LRGUK: variants seen among roughly 807,000 people sequenced by gnomAD.
LRGUK encodes leucine-rich repeat and guanylate kinase domain-containing protein.
LRGUK carries 65 observed loss-of-function variants against 76.0 expected under a neutral mutation model. The observed-to-expected ratio is 0.85, with a 90% CI of 0.70 to 1.05. The LOEUF (loss-of-function observed/expected upper bound fraction) is 1.05. Among genes scored for constraint, LRGUK ranks in the 50% least tolerant of loss-of-function variants. The probability of loss-of-function intolerance (pLI) is 0.00; values close to 1 mark genes in which losing one functional copy is unlikely to be tolerated. For synonymous variants in LRGUK, 268 were observed against 265.6 expected (o/e 1.01, Z -0.09); for missense variants, 758 against 732.8 (o/e 1.03, Z -0.40).
chr7:134,176,835 T>G, intron 8 of LRGUK, 142 bp from the exon 9 acceptor site: 1 of 540,312 alleles, frequency 1.9e-6, no homozygotes, highest in African/African-American at 1.9e-5. Context: ...CTGGGAAGCG[T>G]GAAATGCATA....
intron 16 of LRGUK, among the ~76,000 whole-genome samples, chr7:134,223,334 C>T (rs1329615223): frequency 6.6e-6 from 1 of 152,182 alleles, no homozygotes; most frequent in Non-Finnish European, 1.5e-5. Context: ...CTTTTCAAGC[C>T]ATGCTGTGGT....
At chr7:134,253,681 G>A (rs909329364) in intron 18 of LRGUK, among the ~76,000 whole-genome samples, 5 of 152,122 alleles carry the variant, frequency 3.3e-5, no homozygotes, top group African/African-American at 1.2e-4. Flanking sequence ...CAGATGTGGT[G>A]GTGCACACCT....
chr7:134,148,285 A>C (rs1174521772), exon 5 of LRGUK: 1 of 1,604,788 alleles, frequency 6.2e-7, no homozygotes. Flanking sequence ...GTGATTTGTC[A>C]GCGTATCATG....
chr7:134,239,326 C>T (rs1218041359), intron 16 of LRGUK, among the ~76,000 whole-genome samples: 2 of 152,196 alleles, frequency 1.3e-5, no homozygotes, highest in African/African-American at 4.8e-5. Context: ...CAGATGGTAC[C>T]TGGAAAATTG....
chr7:134,159,517 G>A lies in LRGUK; in HGVS notation c.795+1358G>A, dbSNP rs180887949. ...TTCTTAAAACTCTTCCAGGCTGGGC[G>A]TGGTGGCTTGCGCCTGTAATCCCAG... is the stretch of plus-strand genomic sequence containing the variant. On this transcript the variant is annotated intron_variant, in intron 6 of 15. Coordinates refer to ENST00000645682, the Ensembl canonical transcript of LRGUK. Among the ~76,000 whole-genome samples, 166 of 152,166 alleles carry A rather than the reference G, an allele frequency of 1.1e-3. 1 individual carries two copies. Among genetic ancestry groups the A allele is most frequent in the Non-Finnish European group, 1.7e-3 (113 of 67,988 alleles).
At chr7:134,163,247 G>C in intron 6 of LRGUK, 150 bp from the exon 7 acceptor site, 1 of 608,360 alleles carries the variant, frequency 1.6e-6, no homozygotes, top group Non-Finnish European at 2.8e-6. Context: ...TTAGAGAGGT[G>C]AATGATGGAA....
chr7:134,201,716 C>T, intron 15 of LRGUK, 140 bp downstream of exon 15: 1 of 601,904 alleles, frequency 1.7e-6, no homozygotes, highest in East Asian at 2.9e-5. Context: ...GGGCAATTGT[C>T]CCCAAAACAA....
At chr7:134,134,733 G>A (rs1404319128) in intron 1 of LRGUK, among the ~76,000 whole-genome samples, 1 of 152,180 alleles carries the variant, frequency 6.6e-6, no homozygotes, top group Admixed American at 6.5e-5. Context: ...CCCAGGCCTT[G>A]TATAATAAAT....
chr7:134,193,394 T>G lies in LRGUK; in HGVS notation c.1431+1643T>G, dbSNP rs142089193. On this transcript the variant is annotated intron_variant, in intron 12 of 15. Transcript: ENST00000645682. Reference sequence around the variant, plus strand: ...TTATCTTGTTAGAGTATGAGGCAATTTTTTTCTCACGTCAGTTCATCTGTT... The same window carrying G: ...TTATCTTGTTAGAGTATGAGGCAATGTTTTTCTCACGTCAGTTCATCTGTT... Among the ~76,000 whole-genome samples the G allele has an allele frequency of 1.6e-3, 243 of 152,256 alleles. 1 individual carries two copies. Among genetic ancestry groups the G allele is most frequent in the Non-Finnish European group, 2.3e-3 (159 of 67,994 alleles).
At chr7:134,243,458 CAA>C (rs1157825005) in intron 16 of LRGUK, among the ~76,000 whole-genome samples, 1 of 152,040 alleles carries the variant, frequency 6.6e-6, no homozygotes, top group Non-Finnish European at 1.5e-5. Flanking sequence ...GCAATTGCTT[CAA>C]AGAGAATAAA....
rs1701165063 is a variant in LRGUK at position 134,160,167 on chromosome 7, G to A, written c.795+2008G>A. Among the ~76,000 whole-genome samples the A allele has an allele frequency of 2.0e-5, 3 of 152,146 alleles. No individual in the cohort carries two copies. The South Asian group carries it at 6.2e-4, about 32-fold the overall frequency. Reference sequence around the variant, plus strand: ...AGCATGGTAAACAGACAAAGATATAGGGGTGTGCTTAAGGGAATGAGAATG... The same window carrying A: ...AGCATGGTAAACAGACAAAGATATAAGGGTGTGCTTAAGGGAATGAGAATG... On this transcript the variant is annotated intron_variant, in intron 6 of 15. Transcript: ENST00000645682.
chr7:134,194,160 G>C (rs994765983), intron 12 of LRGUK, among the ~76,000 whole-genome samples: 1 of 152,160 alleles, frequency 6.6e-6, no homozygotes, highest in African/African-American at 2.4e-5. Context: ...AGCATCACCA[G>C]CCAGAATGGG....
intron 17 of LRGUK, 49 bp downstream of exon 17, chr7:134,247,693 A>G (rs1802342068): frequency 1.5e-6 from 2 of 1,363,668 alleles, no homozygotes; most frequent in South Asian, 1.2e-5. Flanking sequence ...CTAGTGTTCA[A>G]ATAGATCAAA....
At chr7:134,210,051 A>G in exon 16 of LRGUK, 1 of 399,382 alleles carries the variant, frequency 2.5e-6, no homozygotes, top group Non-Finnish European at 4.4e-6. Flanking sequence ...TCACCCCACA[A>G]CCAGGGGCCA....
intron 16 of LRGUK, among the ~76,000 whole-genome samples, chr7:134,232,086 A>G (rs1238329920): frequency 3.3e-5 from 5 of 152,162 alleles, no homozygotes; most frequent in Admixed American, 2.6e-4. Flanking sequence ...CTAGAACAAT[A>G]TGGGCCTGGT....
the LRGUK span, among the ~76,000 whole-genome samples, chr7:134,270,933 C>G: frequency 6.6e-6 from 1 of 151,972 alleles, no homozygotes; most frequent in Non-Finnish European, 1.5e-5. Flanking sequence ...CTCACCAACA[C>G]GTAAGAGGGT....
chr7:134,229,327 C>T (rs933951397), intron 16 of LRGUK, among the ~76,000 whole-genome samples: 29 of 151,660 alleles, frequency 1.9e-4, no homozygotes, highest in Middle Eastern at 3.4e-3. Context: ...CGCGCCACTG[C>T]GCTCCAGCCT....
chr7:134,235,553 G>T (rs1183941133), intron 16 of LRGUK, among the ~76,000 whole-genome samples: 1 of 151,794 alleles, frequency 6.6e-6, no homozygotes, highest in Admixed American at 6.6e-5. Flanking sequence ...TTTCTTTTTT[G>T]AAAAATTCGT....
chr7:134,217,524 T>C (rs1282445725), intron 15 of LRGUK, among the ~76,000 whole-genome samples: 2 of 152,214 alleles, frequency 1.3e-5, no homozygotes, highest in African/African-American at 4.8e-5. Flanking sequence ...AACTTTCTAC[T>C]CTAAAAGTTT....
Sources: gnomAD v4.1 joint callset for allele counts (sites outside exome capture counted in the v4.1 genomes callset) on GRCh38, gnomAD v4.1.1 for gene constraint, MANE v1.5 for transcripts, NCBI Gene and HGNC (gene_info 2026-07-23, HGNC 2026-07-21) for gene names.